The following ENO4 variants were observed in gnomAD, a reference collection of about 807,000 sequenced individuals.
ENO4 encodes enolase 4.
In ENO4, 53 loss-of-function variants were observed where a neutral mutation model predicts 63.2. The ratio of observed to expected loss-of-function variants is 0.84; its 90% CI spans 0.67 to 1.05. The LOEUF is 1.05. Among genes scored for constraint, ENO4 ranks in the 50% least tolerant of loss-of-function variants. The pLI, the probability that ENO4 is intolerant of heterozygous loss-of-function variation, is 0.00. For synonymous variants in ENO4, 266 were observed against 283.8 expected, an observed-to-expected ratio of 0.94 and a Z score of 0.63; for missense variants, 719 against 772.0, an observed-to-expected ratio of 0.93 and a Z score of 0.81.
chr10:116,849,962 G>A, intron 1 of ENO4: 1 of 701,616 alleles, frequency 1.4e-6, no homozygotes, highest in Non-Finnish European at 2.6e-6. Context: ...GGAGGAAAGA[G>A]GGCGCTAGGC....
At chr10:116,881,344 C>A (rs1245179466) in intron 13 of ENO4, 171 bp from the exon 14 acceptor site, 1 of 556,378 alleles carries the variant, frequency 1.8e-6, no homozygotes, top group Non-Finnish European at 3.2e-6. Flanking sequence ...CTGTATGGCA[C>A]AATTAACATA....
intron 9 of ENO4, among the ~76,000 whole-genome samples, chr10:116,871,519 G>T (rs1368098051): frequency 2.0e-5 from 3 of 151,948 alleles, no homozygotes; most frequent in African/African-American, 7.3e-5. Flanking sequence ...ATTATATATA[G>T]AAATTCTACA....
rs1248055778 is a variant in ENO4 at position 116,856,672 on chromosome 10, C to T, written c.475C>T (p.His159Tyr). 3 of 1,528,260 alleles carry T rather than the reference C, an allele frequency of 2.0e-6. No individual in the cohort carries two copies. The highest frequency in any genetic ancestry group is 2.6e-6 in the Non-Finnish European group (3 of 1,143,730). 94.7% of individuals were successfully genotyped at this position (1,528,260 alleles called of 1,614,324 possible). The change falls in exon 3 of 14, where the codon CAC becomes TAC. Residue 159 changes from histidine (H) to tyrosine (Y), a missense_variant. By Grantham distance (83) the His-to-Tyr change is moderately conservative. Transcript: ENST00000341276. ...ACCCTCTGACCAGGCAGAGGTGGAT[C>T]ACCTACTCAGGTACAGTTTCCACTT... ...MAPSDQAEVD[H>Y]LLRIFFASKV...
At chr10:116,898,388 C>T (rs1847597601) in intron 10 of ENO4, among the ~76,000 whole-genome samples, 1 of 151,726 alleles carries the variant, frequency 6.6e-6, no homozygotes, top group Non-Finnish European at 1.5e-5. Context: ...ACTGATTGGC[C>T]TGAATCAGTG....
intron 13 of ENO4, among the ~76,000 whole-genome samples, chr10:116,880,770 T>C (rs1846983556): frequency 6.6e-6 from 1 of 152,188 alleles, no homozygotes. Context: ...TTTTTTCAAA[T>C]AGGTAAAATT....
At chr10:116,854,957 A>G (rs959985915) in intron 1 of ENO4, among the ~76,000 whole-genome samples, 2 of 150,066 alleles carry the variant, frequency 1.3e-5, no homozygotes, top group African/African-American at 4.9e-5. Flanking sequence ...AAAAAAAAAA[A>G]AAAAAAAAAA....
intron 3 of ENO4, among the ~76,000 whole-genome samples, chr10:116,856,976 G>C (rs973437518): frequency 6.9e-6 from 1 of 145,820 alleles, no homozygotes; most frequent in Non-Finnish European, 1.5e-5. Flanking sequence ...GCGACAGAGC[G>C]AGACTCTGTA....
intron 1 of ENO4, 93 bp from the exon 2 acceptor site, chr10:116,855,530 C>T (rs141398283): frequency 1.1e-3 from 1,593 of 1,455,544 alleles, no homozygotes; most frequent in Non-Finnish European, 1.4e-3. Context: ...ATGTGAATGA[C>T]CTTTTGAAGA....
At chr10:116,904,795 G>C (rs1847894615) in intron 10 of ENO4, among the ~76,000 whole-genome samples, 2 of 152,082 alleles carry the variant, frequency 1.3e-5, no homozygotes, top group African/African-American at 4.8e-5. Flanking sequence ...TGCACATTTT[G>C]ACCAAATTTG....
intron 9 of ENO4, among the ~76,000 whole-genome samples, chr10:116,872,611 C>T (rs1846728756): frequency 6.6e-6 from 1 of 152,204 alleles, no homozygotes; most frequent in Non-Finnish European, 1.5e-5. Context: ...AATTAAACCT[C>T]TTTCCTTTAC....
chr10:116,849,853 G>C, intron 1 of ENO4, 122 bp downstream of exon 1: 1 of 1,159,024 alleles, frequency 8.6e-7, no homozygotes, highest in Admixed American at 2.3e-5. Flanking sequence ...CCGGGCCCTG[G>C]GCCTGCGTGT....
chr10:116,900,411 C>T, intron 10 of ENO4: 3 of 804,476 alleles, frequency 3.7e-6, no homozygotes, highest in Non-Finnish European at 6.1e-6. Context: ...CAATTCAACA[C>T]ATATTTTGCA....
intron 13 of ENO4, among the ~76,000 whole-genome samples, chr10:116,880,981 G>A (rs531843118): frequency 6.6e-6 from 1 of 152,134 alleles, no homozygotes; most frequent in South Asian, 2.1e-4. Flanking sequence ...TTAACAGATC[G>A]AGGAGAATTT....
chr10:116,881,988 A>C lies in ENO4; in HGVS notation c.*319A>C. On this transcript the variant is annotated 3_prime_UTR_variant, in exon 14 of 14. Transcript: ENST00000341276. Reference sequence around the variant, plus strand: ...AACTCCACACTCAGTCAAACACCCCATCCTTTACCAATCAGAATATCTCTG... The same window carrying C: ...AACTCCACACTCAGTCAAACACCCCCTCCTTTACCAATCAGAATATCTCTG... 1 of 211,176 alleles carries C rather than the reference A, an allele frequency of 4.7e-6. No homozygotes were observed. The highest frequency in any genetic ancestry group is 9.3e-6 in the Non-Finnish European group (1 of 107,222). The allele number at this position is 211,176 out of a possible 1,614,324, so 13.1% of individuals were successfully genotyped here. A position where few individuals can be genotyped will look rare whatever the true frequency, so the allele number is the denominator to read the frequency against.
rs138801254 is a variant in ENO4 at position 116,855,823 on chromosome 10, T to C, written c.294+72T>C. On this transcript the variant is annotated intron_variant, in intron 2 of 13. Coordinates refer to ENST00000341276, the MANE Select transcript of ENO4 (RefSeq NM_001242699.2). ...ATTTATTAGCAACACTTGTCTAAGC[T>C]GTAGAAAATTATTGTTTTGAAATTC... 1.7e-4 allele frequency: 239 copies of C among 1,413,284 alleles called. No individual in the cohort carries two copies. The African/African-American group carries it at 3.1e-3, about 18-fold the overall frequency. 87.5% of individuals were successfully genotyped at this position (1,413,284 alleles called of 1,614,324 possible).
intron 11 of ENO4, among the ~76,000 whole-genome samples, chr10:116,877,018 G>A (rs1368245156): frequency 1.3e-5 from 2 of 151,988 alleles, no homozygotes; most frequent in African/African-American, 2.4e-5. Flanking sequence ...TACTGCTAAA[G>A]AACAGGTCCC....
chr10:116,886,205 A>G (rs182348519), downstream of ENO4: 49 of 1,232,104 alleles, frequency 4.0e-5, no homozygotes, highest in Non-Finnish European at 5.4e-5. Flanking sequence ...TGCTACTTAC[A>G]AAAGTGACAC....
At chr10:116,861,609 A>G (rs1402496879) in intron 6 of ENO4, among the ~76,000 whole-genome samples, 1 of 152,190 alleles carries the variant, frequency 6.6e-6, no homozygotes, top group East Asian at 1.9e-4. Flanking sequence ...CTTTTAGTGC[A>G]TATTTGTGGA....
intron 10 of ENO4, among the ~76,000 whole-genome samples, chr10:116,893,348 G>T (rs1255230024): frequency 6.6e-6 from 1 of 152,110 alleles, no homozygotes; most frequent in Non-Finnish European, 1.5e-5. Context: ...AACCTTTGTA[G>T]CAGCGCTTTG....
Sources: gnomAD v4.1 joint callset for allele counts (sites outside exome capture counted in the v4.1 genomes callset) on GRCh38, gnomAD v4.1.1 for gene constraint, MANE v1.5 for transcripts, NCBI Gene and HGNC (gene_info 2026-07-23, HGNC 2026-07-21) for gene names.